Variants in PCDHA12 observed in about 807,000 individuals in gnomAD.
PCDHA12 encodes the protein protocadherin alpha 12.
PCDHA12 carries 44 observed loss-of-function variants against 60.0 expected under a neutral mutation model. The observed-to-expected ratio is 0.73, with a 90% CI of 0.58 to 0.94. The LOEUF (loss-of-function observed/expected upper bound fraction) is 0.94, where lower values mean the gene tolerates loss of function less well. Ranked by LOEUF, PCDHA12 falls within the 40% of genes least tolerant of loss-of-function variation. PCDHA12 has a pLI of 0.00. For synonymous variants in PCDHA12, 569 were observed against 553.0 expected (o/e 1.03, Z -0.40); for missense variants, 1,276 against 1,239.7 (o/e 1.03, Z -0.44).
At chr5:140,997,091 G>A (rs73268064) in intron 3 of PCDHA12, among the ~76,000 whole-genome samples, 546 of 152,154 alleles carry the variant, frequency 3.6e-3, no homozygotes, top group Middle Eastern at 0.014. Flanking sequence ...AGAAAGTGCA[G>A]AGTTCTCATG....
chr5:140,960,792 C>T (rs2095571018), intron 1 of PCDHA12, among the ~76,000 whole-genome samples: 1 of 151,986 alleles, frequency 6.6e-6, no homozygotes, highest in South Asian at 2.1e-4. Context: ...AACAAGGTTT[C>T]TATTAAAATA....
At chr5:140,909,634 T>G (rs2074616296) in intron 1 of PCDHA12, among the ~76,000 whole-genome samples, 1 of 152,176 alleles carries the variant, frequency 6.6e-6, no homozygotes, top group Non-Finnish European at 1.5e-5. Flanking sequence ...GTCTTCCTAT[T>G]TTGTCTTTTC....
chr5:140,890,737 T>C (rs926717911), intron 1 of PCDHA12, among the ~76,000 whole-genome samples: 1 of 152,240 alleles, frequency 6.6e-6, no homozygotes. Flanking sequence ...TTGACTTATA[T>C]ACTATTTCTG....
chr5:140,969,123 C>G, intron 1 of PCDHA12: 1 of 1,614,172 alleles, frequency 6.2e-7, no homozygotes, highest in Non-Finnish European at 8.5e-7. Flanking sequence ...GGGAATGGCT[C>G]CCTCACCAAG....
chr5:140,883,532 G>C, intron 1 of PCDHA12: 2 of 1,614,220 alleles, frequency 1.2e-6, no homozygotes, highest in Non-Finnish European at 1.7e-6. Context: ...ATCAGCCTAT[G>C]AACTGGTGGT....
At chr5:140,883,027 G>A in intron 1 of PCDHA12, 1 of 1,614,126 alleles carries the variant, frequency 6.2e-7, no homozygotes, top group Non-Finnish European at 8.5e-7. Context: ...CGGTGTTAGA[G>A]AACGCCTTCA....
intron 1 of PCDHA12, among the ~76,000 whole-genome samples, chr5:140,926,054 T>A (rs1018660828): frequency 6.6e-6 from 1 of 152,182 alleles, no homozygotes; most frequent in African/African-American, 2.4e-5. Flanking sequence ...CCCAACCTTC[T>A]TCCCCTCCTT....
intron 3 of PCDHA12, among the ~76,000 whole-genome samples, chr5:140,989,624 G>C (rs527255277): frequency 6.6e-6 from 1 of 152,208 alleles, no homozygotes; most frequent in Non-Finnish European, 1.5e-5. Context: ...GTCTGTCCTA[G>C]TGACAGCAAG....
Position 140,875,556 on chromosome 5 carries a change from C to G in PCDHA12, c.84C>G (p.Ser28Arg), listed in dbSNP as rs781896642. 1 of 1,614,128 alleles carries G rather than the reference C, an allele frequency of 6.2e-7. No individual in the cohort carries two copies. The highest frequency in any genetic ancestry group is 2.2e-5 in the East Asian group (1 of 44,886). ...LLLLAAWEVGSGQLHYSVYEE... is the reference protein window; with the variant it reads ...LLLLAAWEVGRGQLHYSVYEE... ...TCCTTGCAGCCTGGGAGGTGGGGAG[C>G]GGCCAGCTCCACTACTCCGTCTACG... Residue 28 changes from serine to arginine, a missense_variant, in exon 1 of 4, where the codon AGC becomes AGG. By Grantham distance (110) the Ser-to-Arg change is moderately radical (BLOSUM62 -1). Coordinates refer to ENST00000398631, the MANE Select transcript of PCDHA12 (RefSeq NM_018903.4).
At chr5:140,894,740 A>AT (rs1157881854) in intron 1 of PCDHA12, among the ~76,000 whole-genome samples, 7 of 151,086 alleles carry the variant, frequency 4.6e-5, no homozygotes, top group Middle Eastern at 3.4e-3. Flanking sequence ...AATTTGTGGA[A>AT]TTTTTTTTCT....
At chr5:140,927,668 A>T in intron 1 of PCDHA12, 1 of 1,614,208 alleles carries the variant, frequency 6.2e-7, no homozygotes, top group Non-Finnish European at 8.5e-7. Flanking sequence ...CAAGCCTTGG[A>T]TCCAGATGAA....
Position 140,876,541 on chromosome 5 carries a change from C to T in PCDHA12, c.1069C>T (p.Leu357Phe). 1 of 1,614,188 alleles carries T rather than the reference C, an allele frequency of 6.2e-7. No individual in the cohort carries two copies. The highest frequency in any genetic ancestry group is 8.5e-7 in the Non-Finnish European group (1 of 1,180,046). Residue 357 changes from leucine (L) to phenylalanine (F), a missense_variant, in exon 1 of 4, where the codon CTC becomes TTC. Coordinates refer to ENST00000398631, the MANE Select transcript of PCDHA12 (RefSeq NM_018903.4). ...TGAAGTAATGGTTACTTCACTGTCG[C>T]TCCCTGTGCAAGAGGATGCTCAGGT... The part of the protein sequence containing the change: ...VPEVMVTSLS[L>F]PVQEDAQVGT...
chr5:140,969,066 G>A (rs2096292938), intron 1 of PCDHA12: 2 of 1,614,144 alleles, frequency 1.2e-6, no homozygotes, highest in Admixed American at 3.3e-5. Context: ...ATTGATGCCA[G>A]GATACCGCAT....
Position 140,884,432 on chromosome 5 carries a change from C to A in PCDHA12, c.2367+6593C>A, listed in dbSNP as rs782413139. ...CACGTTGCTGCTGTATACTGCGCTG[C>A]GGTGCTCGGCACCGCCCACCGAGGG... On this transcript the variant is annotated intron_variant, in intron 1 of 3. Coordinates refer to ENST00000398631, the MANE Select transcript of PCDHA12 (RefSeq NM_018903.4). The A allele has an allele frequency of 4.3e-6, 7 of 1,613,764 alleles. No individual in the cohort carries two copies. The highest frequency in any genetic ancestry group is 5.1e-6 in the Non-Finnish European group (6 of 1,179,866).
chr5:140,990,977 G>T (rs1554251868), intron 3 of PCDHA12, among the ~76,000 whole-genome samples: 1 of 152,156 alleles, frequency 6.6e-6, no homozygotes, highest in African/African-American at 2.4e-5. Context: ...CAAGAGAAAG[G>T]AAGACAATAG....
rs2056356318 is a variant in PCDHA12, at chr5:140,876,456, T to C, written c.984T>C (p.Pro328=). The change falls in exon 1 of 4, where the codon CCT becomes CCC. Residue 328 remains proline, a synonymous_variant. Transcript: ENST00000398631. ...TTAACGCCATTGATAAAGGGATTCC[T>C]TCCATGGCAGGTCACAGCATGGTCC... ...IQVNAIDKGI[P]SMAGHSMVLV... is the part of the protein sequence containing the mutation. The C allele has an allele frequency of 6.8e-6, 11 of 1,613,932 alleles. No individual in the cohort carries two copies. Among genetic ancestry groups the C allele is most frequent in the Non-Finnish European group, 8.5e-6 (10 of 1,179,916 alleles).
At chr5:140,884,049 TGC>T (rs1554181152) in intron 1 of PCDHA12, 1 of 1,613,414 alleles carries the variant, frequency 6.2e-7, no homozygotes. Context: ...GTGGCGAAGG[TGC>T]GCGCGGTGGA....
chr5:140,969,283 T>A, intron 1 of PCDHA12: 61 of 1,614,200 alleles, frequency 3.8e-5, no homozygotes, highest in Non-Finnish European at 5.2e-5. Flanking sequence ...GTGGTCAGAA[T>A]GCTGGGAACC....
chr5:140,967,749 C>G (rs1554229896), intron 1 of PCDHA12: 1 of 1,614,172 alleles, frequency 6.2e-7, no homozygotes, highest in Non-Finnish European at 8.5e-7. Context: ...TATGAGGAAG[C>G]CTCCTCCTAC....
Sources: gnomAD v4.1 joint callset for allele counts (sites outside exome capture counted in the v4.1 genomes callset) on GRCh38, gnomAD v4.1.1 for gene constraint, MANE v1.5 for transcripts, NCBI Gene and HGNC (gene_info 2026-07-23, HGNC 2026-07-21) for gene names.